The following LHFPL6 variants were observed in gnomAD, a reference collection of about 807,000 sequenced individuals.
LHFPL6 encodes LHFPL tetraspan subfamily member 6 protein.
LHFPL6 carries 9 observed loss-of-function variants against 20.6 expected under a neutral mutation model. The ratio of observed to expected loss-of-function variants is 0.44; its 90% confidence interval spans 0.26 to 0.76. The LOEUF is 0.76. Ranked by LOEUF, LHFPL6 falls within the 30% of genes least tolerant of loss-of-function variation. LHFPL6 has a pLI of 0.20. For synonymous variants in LHFPL6, 105 were observed against 98.7 expected, an observed-to-expected ratio of 1.06 and a Z score of -0.38; for missense variants, 218 against 253.5, an observed-to-expected ratio of 0.86 and a Z score of 0.95.
chr13:39,405,161 T>C (rs1040673571), intron 2 of LHFPL6, among the ~76,000 whole-genome samples: 2 of 152,206 alleles, frequency 1.3e-5, no homozygotes, highest in African/African-American at 2.4e-5. Flanking sequence ...TCTGTCCTCC[T>C]TGACTTAAAT....
chr13:39,525,201 A>G (rs1455717717), intron 2 of LHFPL6, among the ~76,000 whole-genome samples: 1 of 152,176 alleles, frequency 6.6e-6, no homozygotes, highest in East Asian at 1.9e-4. Context: ...TCGATGTCCT[A>G]TTCCTAACTC....
intron 2 of LHFPL6, among the ~76,000 whole-genome samples, chr13:39,414,179 G>C (rs1871297269): frequency 6.6e-6 from 1 of 152,146 alleles, no homozygotes; most frequent in Non-Finnish European, 1.5e-5. Context: ...ACTATATGGA[G>C]GGGTGAAATT....
intron 2 of LHFPL6, among the ~76,000 whole-genome samples, chr13:39,534,435 TAGA>T (rs575257272): frequency 7.4e-4 from 112 of 152,332 alleles, no homozygotes; most frequent in African/African-American, 2.6e-3. Flanking sequence ...CAACGGAAAC[TAGA>T]AGAAGGCAAT....
At chr13:39,460,668 G>C (rs1872668390) in intron 2 of LHFPL6, among the ~76,000 whole-genome samples, 1 of 152,180 alleles carries the variant, frequency 6.6e-6, no homozygotes, top group Non-Finnish European at 1.5e-5. Flanking sequence ...TTAATGACTT[G>C]AACTCCTAAC....
chr13:39,515,239 G>A (rs1345390863), intron 2 of LHFPL6, among the ~76,000 whole-genome samples: 9 of 152,322 alleles, frequency 5.9e-5, no homozygotes, highest in African/African-American at 1.4e-4. Context: ...GATGAGCTGC[G>A]CTGCCTTCAA....
At chr13:39,349,201 TA>T (rs1233023025) in intron 3 of LHFPL6, among the ~76,000 whole-genome samples, 3 of 152,330 alleles carry the variant, frequency 2.0e-5, no homozygotes, top group Admixed American at 2.0e-4. Flanking sequence ...ATTTTTAAAA[TA>T]ATTATTAATT....
intron 2 of LHFPL6, among the ~76,000 whole-genome samples, chr13:39,596,301 A>G (rs1872768826): frequency 6.6e-6 from 1 of 152,184 alleles, no homozygotes; most frequent in Non-Finnish European, 1.5e-5. Flanking sequence ...AGATTATGAC[A>G]CAACTACACT....
Position 39,405,817 on chromosome 13 carries a change from G to GGCAT in LHFPL6, c.386-27295_386-27292dup, listed in dbSNP as rs144982073. Among the ~76,000 whole-genome samples the GGCAT allele has an allele frequency of 3.0e-4, 46 of 152,304 alleles. 1 individual carries two copies. Among genetic ancestry groups the GGCAT allele is most frequent in the African/African-American group, 1.0e-3 (42 of 41,580 alleles). ...TCTAGGGAGCTCCAGGGTGAAAACA[G>GGCAT]GCATGTGGTAAAAGTACTAATGAAG... On this transcript the variant is annotated intron_variant, in intron 2 of 3. Coordinates refer to ENST00000379589, the MANE Select transcript of LHFPL6 (RefSeq NM_005780.3).
At chr13:39,383,427 T>G (rs965670964) in intron 2 of LHFPL6, among the ~76,000 whole-genome samples, 2 of 152,232 alleles carry the variant, frequency 1.3e-5, no homozygotes, top group Non-Finnish European at 2.9e-5. Flanking sequence ...TAATTAAGAT[T>G]AAATACAACT....
intron 2 of LHFPL6, among the ~76,000 whole-genome samples, chr13:39,443,475 T>C (rs966870222): frequency 2.0e-5 from 3 of 152,100 alleles, no homozygotes; most frequent in Non-Finnish European, 4.4e-5. Flanking sequence ...AGCTTTAGAA[T>C]TGGGTAATGC....
intron 2 of LHFPL6, among the ~76,000 whole-genome samples, chr13:39,560,688 T>C (rs1871450053): frequency 6.6e-6 from 1 of 151,930 alleles, no homozygotes; most frequent in Admixed American, 6.6e-5. Context: ...CTAATTTCTT[T>C]TTGTATTTTT....
At chr13:39,420,595 G>A (rs1223485524) in intron 2 of LHFPL6, among the ~76,000 whole-genome samples, 2 of 152,148 alleles carry the variant, frequency 1.3e-5, no homozygotes, top group African/African-American at 4.8e-5. Context: ...CGTTTGAGTA[G>A]GGAAATTAAT....
intron 2 of LHFPL6, among the ~76,000 whole-genome samples, chr13:39,531,981 G>A (rs1566134572): frequency 6.6e-6 from 1 of 152,036 alleles, no homozygotes; most frequent in Non-Finnish European, 1.5e-5. Context: ...TTCATTTTCT[G>A]TTATTGGTTT....
At chr13:39,366,056 G>T (rs1276342697) in intron 3 of LHFPL6, among the ~76,000 whole-genome samples, 3 of 152,104 alleles carry the variant, frequency 2.0e-5, no homozygotes, top group Admixed American at 2.0e-4. Context: ...GAAACCAAAG[G>T]GCTAGTGCCT....
chr13:39,368,762 A>G (rs535523942), intron 3 of LHFPL6, among the ~76,000 whole-genome samples: 7 of 152,358 alleles, frequency 4.6e-5, no homozygotes, highest in Middle Eastern at 3.4e-3. Flanking sequence ...AATAACTGTG[A>G]CATAAAACAA....
chr13:39,483,290 C>A (rs1868600501), intron 2 of LHFPL6, among the ~76,000 whole-genome samples: 1 of 151,978 alleles, frequency 6.6e-6, no homozygotes, highest in Admixed American at 6.6e-5. Context: ...AAATGTGTAC[C>A]CTCCTTGGCT....
At chr13:39,456,559 T>C (rs1419548388) in intron 2 of LHFPL6, among the ~76,000 whole-genome samples, 2 of 152,226 alleles carry the variant, frequency 1.3e-5, no homozygotes, top group Admixed American at 6.5e-5. Flanking sequence ...AGGCAATTAA[T>C]GTAATCCACC....
intron 2 of LHFPL6, among the ~76,000 whole-genome samples, chr13:39,564,901 A>G (rs1229242046): frequency 1.3e-5 from 2 of 152,210 alleles, no homozygotes; most frequent in South Asian, 2.1e-4. Flanking sequence ...ATACCTTATT[A>G]TATCTTGCTA....
At chr13:39,392,425 T>C (rs1204378251) in intron 2 of LHFPL6, among the ~76,000 whole-genome samples, 1 of 152,126 alleles carries the variant, frequency 6.6e-6, no homozygotes, top group Non-Finnish European at 1.5e-5. Context: ...TGAAACCCTG[T>C]CTCTACTAAA....
Sources: gnomAD v4.1 joint callset for allele counts (sites outside exome capture counted in the v4.1 genomes callset) on GRCh38, gnomAD v4.1.1 for gene constraint, MANE v1.5 for transcripts, NCBI Gene and HGNC (gene_info 2026-07-23, HGNC 2026-07-21) for gene names.